The following INF2 variants were observed in gnomAD, a reference collection of about 807,000 sequenced individuals.
INF2 encodes the protein inverted formin-2.
Under a neutral mutation model 123.5 loss-of-function variants are expected in INF2, and 43 were observed. The observed-to-expected ratio is 0.35, with a 90% CI of 0.27 to 0.45. The LOEUF is 0.45. Ranked by LOEUF, INF2 falls within the 20% of genes least tolerant of loss-of-function variation. INF2 has a pLI of 1.00. For synonymous variants in INF2, 851 were observed against 745.0 expected (o/e 1.14, Z -2.32); for missense variants, 1,453 against 1,682.7 (o/e 0.86, Z 2.39).
chr14:104,688,654 C>T (rs1485985004), upstream of INF2, among the ~76,000 whole-genome samples: 4 of 152,238 alleles, frequency 2.6e-5, no homozygotes, highest in East Asian at 1.9e-4. Context: ...GGAGTGCTGG[C>T]GCCGGTTCTC....
In INF2 at chr14:104,718,799, C is replaced by G; in HGVS notation, c.*6C>G. ...CATTTTTTCTCTCTCTTACAGGCCT[C>G]AGGCCCAGGCCCAAGGCCAAGTGAG... On this transcript the variant is annotated 3_prime_UTR_variant, in exon 23 of 23. Coordinates refer to ENST00000392634, the MANE Select transcript of INF2 (RefSeq NM_022489.4). The G allele has an allele frequency of 6.2e-7, 1 of 1,613,060 alleles. No homozygotes were observed. The highest frequency in any genetic ancestry group is 1.1e-5 in the South Asian group (1 of 91,046).
chr14:104,715,157 C>T, intron 21 of INF2, 127 bp from the exon 22 acceptor site: 1 of 938,298 alleles, frequency 1.1e-6, no homozygotes, highest in East Asian at 2.4e-5. Context: ...GCTTAGTGGC[C>T]AGAGAACCGG....
chr14:104,682,770 G>A (rs1325019906), intron 1 of INF2, among the ~76,000 whole-genome samples: 2 of 152,100 alleles, frequency 1.3e-5, no homozygotes, highest in Non-Finnish European at 2.9e-5. Context: ...CTCACCTAGG[G>A]GAAGGGCCAC....
intron 22 of INF2, chr14:104,715,880 G>A (rs1331813073): frequency 2.0e-5 from 9 of 456,976 alleles, no homozygotes; most frequent in Non-Finnish European, 3.5e-5. Context: ...ATGCTGCCAG[G>A]GACAAGTACA....
rs530391015 is a variant in INF2, at chr14:104,703,445, G to C, written c.658G>C (p.Glu220Gln). The C allele has an allele frequency of 1.2e-6, 2 of 1,612,070 alleles. No homozygotes were observed. Among genetic ancestry groups the C allele is most frequent in the South Asian group, 1.1e-5 (1 of 91,068 alleles). The change falls in exon 4 of 23, where the codon GAG (glutamate) becomes CAG (glutamine). Residue 220 changes from glutamate (E) to glutamine (Q), a missense_variant. Physicochemically the swap from Glu to Gln is conservative, Grantham distance 29 (BLOSUM62 2). This residue lies in a region of INF2 where 251 missense variants were observed against 349.4 expected (regional missense o/e 0.72). Coordinates refer to ENST00000392634, the MANE Select transcript of INF2 (RefSeq NM_022489.4). ...DLRARTQLRNEFIGLQLLDVL... is the reference protein window; with the variant it reads ...DLRARTQLRNQFIGLQLLDVL... The stretch of plus-strand genomic sequence containing the variant: ...GCGCGCGCGCACCCAGCTGCGGAAC[G>C]AGTTTATCGGTAAGCACCTGCCCTG...
intron 1 of INF2, among the ~76,000 whole-genome samples, chr14:104,701,015 A>G (rs1889454803): frequency 6.6e-6 from 1 of 151,994 alleles, no homozygotes; most frequent in Non-Finnish European, 1.5e-5. Context: ...GTCCTCCCCA[A>G]GCTCATCCGG....
chr14:104,701,622 G>C lies in INF2; in HGVS notation c.257G>C (p.Gly86Ala). The stretch of plus-strand genomic sequence containing the variant: ...CTGGAGGCGCTGGCGCGGCTGTCGG[G>C]CCGCGGCGTTGCACGTATCTCCGAC... ...LLLEALARLS[G>A]RGVARISDAL... Residue 86 changes from glycine to alanine, a missense_variant, in exon 2 of 23, where the codon GGC (glycine) becomes GCC (alanine). This residue lies in a region of INF2 where 251 missense variants were observed against 349.4 expected (regional missense o/e 0.72). Coordinates refer to ENST00000392634, the MANE Select transcript of INF2 (RefSeq NM_022489.4). 1 of 1,602,914 alleles carries C rather than the reference G, an allele frequency of 6.2e-7. No individual in the cohort carries two copies. Among genetic ancestry groups the C allele is most frequent in the Non-Finnish European group, 8.5e-7 (1 of 1,177,676 alleles).
At chr14:104,715,621 C>T in intron 22 of INF2, 1 of 592,444 alleles carries the variant, frequency 1.7e-6, no homozygotes, top group Admixed American at 2.7e-5. Context: ...GTGGCAGGGC[C>T]AGCCGGACTC....
intron 1 of INF2, among the ~76,000 whole-genome samples, chr14:104,692,041 G>A (rs957379472): frequency 6.6e-6 from 1 of 152,234 alleles, no homozygotes; most frequent in Non-Finnish European, 1.5e-5. Context: ...GGAACCACAG[G>A]GGTTGCTTAG....
intron 16 of INF2, 73 bp downstream of exon 16, chr14:104,711,772 G>T (rs1286839537): frequency 1.4e-6 from 2 of 1,427,108 alleles, no homozygotes; most frequent in East Asian, 4.7e-5. Flanking sequence ...CAGTGAGGTG[G>T]CTGCCCGCCA....
chr14:104,707,643 C>G lies in INF2; in HGVS notation c.1376C>G (p.Pro459Arg), dbSNP rs766510967. ...VGAKALPTAP[P>R]PPPLPGLGAM... Reference sequence around the variant, plus strand: ...GCTAAGGCCCTCCCAACAGCACCCCCGCCCCCACCCCTGCCAGGCCTGGGG... The same window carrying G: ...GCTAAGGCCCTCCCAACAGCACCCCGGCCCCCACCCCTGCCAGGCCTGGGG... Residue 459 changes from proline (P) to arginine (R), a missense_variant, in exon 8 of 23, where the codon CCG becomes CGG. Coordinates refer to ENST00000392634, the MANE Select transcript of INF2 (RefSeq NM_022489.4). 2 of 961,746 alleles carry G rather than the reference C, an allele frequency of 2.1e-6. No individual in the cohort carries two copies. Among genetic ancestry groups the G allele is most frequent in the Non-Finnish European group, 1.5e-6 (1 of 646,538 alleles). The allele number at this position is 961,746 out of a possible 1,614,324, so 59.6% of individuals were successfully genotyped here.
chr14:104,686,309 GTGGGTGGA>G (rs1888662118), upstream of INF2, among the ~76,000 whole-genome samples: 1 of 151,790 alleles, frequency 6.6e-6, no homozygotes, highest in African/African-American at 2.4e-5. Flanking sequence ...GGGTGGGTAG[GTGGGTGGA>G]TGGGTGGATG....
intron 11 of INF2, 70 bp from the exon 12 acceptor site, chr14:104,709,550 C>G: frequency 6.9e-7 from 1 of 1,456,486 alleles, no homozygotes; most frequent in Non-Finnish European, 9.6e-7. Context: ...AGGGGCTGAG[C>G]CCGGCGGGCA....
intron 1 of INF2, among the ~76,000 whole-genome samples, chr14:104,682,934 G>A (rs757090329): frequency 3.3e-5 from 5 of 152,078 alleles, no homozygotes; most frequent in Admixed American, 2.6e-4. Flanking sequence ...TGGGGCCTCC[G>A]CAATGTTGGG....
rs1889807816 is a variant in INF2 at position 104,706,969 on chromosome 14, G to A, written c.903G>A (p.Leu301=). ...LLSVLQGLLH[L]EPTLRSSQLL... Reference sequence around the variant, plus strand: ...CGGTGCTGCAGGGCCTCCTGCACCTGGAGCCCACCCTCCGCTCCAGCCAGC... The same window carrying A: ...CGGTGCTGCAGGGCCTCCTGCACCTAGAGCCCACCCTCCGCTCCAGCCAGC... Residue 301 remains leucine (L), a synonymous_variant, in exon 7 of 23, where the codon CTG becomes CTA. Coordinates refer to ENST00000392634, the MANE Select transcript of INF2 (RefSeq NM_022489.4). The A allele has an allele frequency of 6.2e-7, 1 of 1,601,390 alleles. No individual in the cohort carries two copies. Among genetic ancestry groups the A allele is most frequent in the Non-Finnish European group, 8.5e-7 (1 of 1,179,192 alleles).
Position 104,712,977 on chromosome 14 carries a change from C to G in INF2, c.2760C>G (p.Phe920Leu), listed in dbSNP as rs745372193. Residue 920 changes from phenylalanine (F) to leucine (L), a missense_variant, in exon 18 of 23, where the codon TTC (phenylalanine) becomes TTG (leucine). Physicochemically the swap from Phe to Leu is conservative, Grantham distance 22 (BLOSUM62 0). Coordinates refer to ENST00000392634, the MANE Select transcript of INF2 (RefSeq NM_022489.4). ...FSTMKAFRDLFLRALKENKDR... is the reference protein window; with the variant it reads ...FSTMKAFRDLLLRALKENKDR... ...CCATGAAGGCTTTCCGGGACCTTTT[C>G]CTCCGCGCCCTGAAGGTGGGGCAGC... 4 of 1,612,548 alleles carry G rather than the reference C, an allele frequency of 2.5e-6. No individual in the cohort carries two copies. The highest frequency in any genetic ancestry group is 2.5e-6 in the Non-Finnish European group (3 of 1,179,802).
At position 104,709,296 on chromosome 14, in the gene INF2, CGCT is replaced by C. The variant is rs1889930034; in HGVS notation, c.1969_1971del (p.Ala657del). On this transcript the variant is annotated inframe_deletion, in exon 11 of 23. Coordinates refer to ENST00000392634, the MANE Select transcript of INF2 (RefSeq NM_022489.4). The stretch of plus-strand genomic sequence containing the variant: ...CCTGCTCCAGCTCCAACGAGGAGGT[CGCT>C]GCTATGATCCGGGCTGGAGATACCA... 1 of 1,612,682 alleles carries C rather than the reference CGCT, an allele frequency of 6.2e-7. No individual in the cohort carries two copies. The highest frequency in any genetic ancestry group is 8.5e-7 in the Non-Finnish European group (1 of 1,179,714).
At chr14:104,697,471 C>A (rs1889242968) in intron 1 of INF2, among the ~76,000 whole-genome samples, 1 of 152,242 alleles carries the variant, frequency 6.6e-6, no homozygotes, top group African/African-American at 2.4e-5. Context: ...TTTCTGTCTG[C>A]ACCGCAGGGG....
Position 104,714,760 on chromosome 14 carries a change from G to A in INF2, c.3598G>A (p.Asp1200Asn), listed in dbSNP as rs764338863. Reference protein sequence around the residue: ...DKSFSEDAVTDSSGSGTLPRA... With the variant: ...DKSFSEDAVTNSSGSGTLPRA... ...GTCCTTCTCCGAGGATGCGGTGACCGACTCCTCGGGGTCGGGCACACTCCC... is the reference window on the plus strand; with the variant it reads ...GTCCTTCTCCGAGGATGCGGTGACCAACTCCTCGGGGTCGGGCACACTCCC... The change falls in exon 21 of 23, where the codon GAC becomes AAC. Residue 1200 changes from aspartate to asparagine, a missense_variant. Physicochemically the swap from Asp to Asn is conservative, Grantham distance 23. Transcript: ENST00000392634. 3.7e-5 allele frequency: 59 copies of A among 1,599,530 alleles called. No individual in the cohort carries two copies. Among genetic ancestry groups the A allele is most frequent in the East Asian group, 6.7e-5 (3 of 44,696 alleles).
Sources: allele counts gnomAD v4.1 joint callset (sites outside exome capture counted in the v4.1 genomes callset), GRCh38; gene constraint gnomAD v4.1.1; regional missense constraint gnomAD v4.1.1; transcripts MANE v1.5; gene names NCBI Gene and HGNC (gene_info 2026-07-23, HGNC 2026-07-21).